Variants in PIKFYVE observed in about 807,000 individuals in gnomAD.
PIKFYVE encodes phosphoinositide kinase, FYVE-type zinc finger containing, also known as 1-phosphatidylinositol 3-phosphate 5-kinase.
In PIKFYVE, 122 loss-of-function variants were observed where a neutral mutation model predicts 257.9. The ratio of observed to expected loss-of-function variants is 0.47; its 90% CI spans 0.41 to 0.55. PIKFYVE has a LOEUF of 0.55. Ranked by LOEUF, PIKFYVE falls within the 20% of genes least tolerant of loss-of-function variation. PIKFYVE has a pLI of 0.00. For synonymous variants in PIKFYVE, 892 were observed against 868.9 expected (o/e 1.03, Z -0.47); for missense variants, 2,160 against 2,536.6 (o/e 0.85, Z 3.19).
chr2:208,329,911 C>T lies in PIKFYVE; in HGVS notation c.3789C>T (p.Phe1263=). ...TLGIFLERYC[F]RPSYQCPSMF... ...GAATATTTTTAGAGAGATACTGTTT[C>T]AGGTAAGAACATATTTCTTCCTTCT... is the stretch of plus-strand genomic sequence containing the variant. The change falls in exon 22 of 42, where the codon TTC becomes TTT. Residue 1263 remains phenylalanine (F), a splice_region_variant and synonymous_variant. Coordinates refer to ENST00000264380, the MANE Select transcript of PIKFYVE (RefSeq NM_015040.4). 2 of 1,610,198 alleles carry T rather than the reference C, an allele frequency of 1.2e-6. No individual in the cohort carries two copies. Among genetic ancestry groups the T allele is most frequent in the Non-Finnish European group, 1.7e-6 (2 of 1,177,528 alleles).
chr2:208,324,405 C>G (rs557915791), intron 18 of PIKFYVE, 123 bp downstream of exon 18: 26 of 1,005,018 alleles, frequency 2.6e-5, no homozygotes, highest in Non-Finnish European at 3.7e-5. Context: ...GAAAGTGGGA[C>G]AGAAGATATG....
chr2:208,288,930 T>C, intron 7 of PIKFYVE, 112 bp downstream of exon 7: 6 of 1,324,816 alleles, frequency 4.5e-6, no homozygotes, highest in Non-Finnish European at 6.4e-6. Context: ...CTTCCGTAGC[T>C]CTAAAAGCTG....
rs1348465366 is a variant in PIKFYVE at position 208,330,708 on chromosome 2, A to T, written c.3963+14A>T. 1 of 1,605,814 alleles carries T rather than the reference A, an allele frequency of 6.2e-7. No individual in the cohort carries two copies. The highest frequency in any genetic ancestry group is 2.2e-5 in the East Asian group (1 of 44,784). On this transcript the variant is annotated intron_variant, in intron 23 of 41. Coordinates refer to ENST00000264380, the MANE Select transcript of PIKFYVE (RefSeq NM_015040.4). ...ATCTGCAAACAGGTAAATAGACCCT[A>T]TTACTATATTTTGTTTGCCATTTAT...
In PIKFYVE at chr2:208,303,030, C is replaced by T. The variant is rs569422275; in HGVS notation, c.1320+677C>T. Among the ~76,000 whole-genome samples the T allele has an allele frequency of 1.2e-4, 19 of 152,058 alleles. No homozygotes were observed. The East Asian group carries it at 1.4e-3, about 11-fold the overall frequency. On this transcript the variant is annotated intron_variant, in intron 10 of 41. Transcript: ENST00000264380. ...CTGGGAGGTGGAGCTTGCAGTGAGCCGAGATTGCGCCACTGCACTCCAGCC... is the reference window on the plus strand; with the variant it reads ...CTGGGAGGTGGAGCTTGCAGTGAGCTGAGATTGCGCCACTGCACTCCAGCC...
chr2:208,299,760 C>A lies in PIKFYVE; in HGVS notation c.1050+981C>A, dbSNP rs75420868. ...TATGTTTATATGAAATAATCAGTTG[C>A]TTATTGAATTTATCTGTGCATAAAA... On this transcript the variant is annotated intron_variant, in intron 8 of 41. Transcript: ENST00000264380. Among the ~76,000 whole-genome samples the A allele has an allele frequency of 3.4e-3, 511 of 152,254 alleles. 3 individuals carry two copies. The highest frequency in any genetic ancestry group is 0.012 in the African/African-American group (494 of 41,546).
At chr2:208,345,885 T>C (rs1196927600) in intron 33 of PIKFYVE, among the ~76,000 whole-genome samples, 165 bp from the exon 34 acceptor site, 1 of 152,190 alleles carries the variant, frequency 6.6e-6, no homozygotes, top group African/African-American at 2.4e-5. Flanking sequence ...TTTTTTTCTG[T>C]GTTCTAGCCT....
rs1046099901 is a variant in PIKFYVE at position 208,320,371 on chromosome 2, C to T, written c.2190+12C>T. 4.3e-6 allele frequency: 7 copies of T among 1,610,188 alleles called. No homozygotes were observed. Among genetic ancestry groups the T allele is most frequent in the Admixed American group, 3.3e-5 (2 of 59,952 alleles). On this transcript the variant is annotated intron_variant, in intron 17 of 41. Transcript: ENST00000264380. ...CTATTGTGCTTCAGGTAAGAATTTA[C>T]TACTGAAAATAATAATTTAGAGGGA...
rs1285330915 is a variant in PIKFYVE, at chr2:208,324,299, T to G, written c.2331+17T>G. ...GTAAAGTCAGTGAGTGTTTTTAATT[T>G]TCTATTGTATTTTAAAAAAATCACA... is the stretch of plus-strand genomic sequence containing the variant. On this transcript the variant is annotated intron_variant, in intron 18 of 41. Coordinates refer to ENST00000264380, the MANE Select transcript of PIKFYVE (RefSeq NM_015040.4). 2 of 1,611,312 alleles carry G rather than the reference T, an allele frequency of 1.2e-6. No individual in the cohort carries two copies. Among genetic ancestry groups the G allele is most frequent in the East Asian group, 4.5e-5 (2 of 44,824 alleles).
chr2:208,290,559 G>C (rs189241234), intron 7 of PIKFYVE, among the ~76,000 whole-genome samples: 1 of 152,142 alleles, frequency 6.6e-6, no homozygotes, highest in Non-Finnish European at 1.5e-5. Context: ...TATCAGTTAC[G>C]AGCAAGGCTG....
intron 2 of PIKFYVE, among the ~76,000 whole-genome samples, chr2:208,272,623 G>A (rs1364265136): frequency 6.6e-6 from 1 of 152,080 alleles, no homozygotes; most frequent in African/African-American, 2.4e-5. Flanking sequence ...TTGTTTGTCT[G>A]TATTACTTGA....
At chr2:208,270,195 C>T (rs1689234290) in intron 1 of PIKFYVE, among the ~76,000 whole-genome samples, 2 of 151,872 alleles carry the variant, frequency 1.3e-5, no homozygotes, top group Admixed American at 1.3e-4. Context: ...GTACCCGCCA[C>T]CATGTCCAGC....
intron 20 of PIKFYVE, among the ~76,000 whole-genome samples, chr2:208,327,373 A>G (rs1389126653): frequency 2.0e-5 from 3 of 152,210 alleles, no homozygotes; most frequent in African/African-American, 7.2e-5. Flanking sequence ...ATAATTAAGT[A>G]TGCTTATATA....
intron 7 of PIKFYVE, among the ~76,000 whole-genome samples, chr2:208,291,929 C>T (rs560162995): frequency 1.5e-4 from 23 of 152,176 alleles, no homozygotes; most frequent in South Asian, 4.1e-4. Flanking sequence ...GTATGCGCTT[C>T]GTGCTATGAA....
chr2:208,277,463 T>A, intron 4 of PIKFYVE, 74 bp from the exon 5 acceptor site: 2 of 1,508,960 alleles, frequency 1.3e-6, no homozygotes, highest in South Asian at 1.1e-5. Flanking sequence ...AAGAAACCTT[T>A]GAGGATTTCA....
In PIKFYVE at chr2:208,354,092, C is replaced by T. The variant is rs764150356; in HGVS notation, c.6039C>T (p.Leu2013=). The change falls in exon 40 of 42, where the codon CTC becomes CTT. Residue 2013 remains leucine, a synonymous_variant. Coordinates refer to ENST00000264380, the MANE Select transcript of PIKFYVE (RefSeq NM_015040.4). ...ACTCCCATTTCCTTTCTAGCCACCT[C>T]ATTATAGATTATTCTTTGCTGGTTG... is the stretch of plus-strand genomic sequence containing the variant. ...HSDSHFLSSH[L]IIDYSLLVGR... 1 of 1,613,934 alleles carries T rather than the reference C, an allele frequency of 6.2e-7. No homozygotes were observed. Among genetic ancestry groups the T allele is most frequent in the South Asian group, 1.1e-5 (1 of 91,068 alleles).
chr2:208,315,408 C>G, intron 15 of PIKFYVE, 35 bp downstream of exon 15: 1 of 1,607,936 alleles, frequency 6.2e-7, no homozygotes, highest in Non-Finnish European at 8.5e-7. Context: ...ATGCTAGGAA[C>G]TGATGAGGCA....
chr2:208,289,376 C>T (rs968582244), intron 7 of PIKFYVE, among the ~76,000 whole-genome samples: 1 of 151,836 alleles, frequency 6.6e-6, no homozygotes, highest in Non-Finnish European at 1.5e-5. Context: ...TTAAGATTTA[C>T]TAATTTATAT....
chr2:208,337,660 T>C (rs1698283963), intron 28 of PIKFYVE, among the ~76,000 whole-genome samples: 1 of 152,090 alleles, frequency 6.6e-6, no homozygotes, highest in African/African-American at 2.4e-5. Flanking sequence ...CTATTTAGAA[T>C]GCAATTCTCA....
chr2:208,306,403 GCA>G (rs1694317527), intron 12 of PIKFYVE, among the ~76,000 whole-genome samples: 1 of 152,208 alleles, frequency 6.6e-6, no homozygotes, highest in African/African-American at 2.4e-5. Context: ...TGGGTCAGGG[GCA>G]CACAGATGAT....
Sources: allele counts gnomAD v4.1 joint callset (sites outside exome capture counted in the v4.1 genomes callset), GRCh38; gene constraint gnomAD v4.1.1; transcripts MANE v1.5; gene names NCBI Gene and HGNC (gene_info 2026-07-23, HGNC 2026-07-21).